Variants in PAK3 observed in about 807,000 individuals in gnomAD.
PAK3 encodes the protein serine/threonine-protein kinase PAK 3.
A neutral mutation model predicts 41.0 loss-of-function variants in PAK3; 4 were observed. The ratio of observed to expected loss-of-function variants is 0.10; its 90% CI spans 0.05 to 0.22. The LOEUF (loss-of-function observed/expected upper bound fraction) is 0.22, where lower values mean the gene tolerates loss of function less well. PAK3 is among the 10% of genes least tolerant of loss of function. The pLI, the probability that PAK3 is intolerant of heterozygous loss-of-function variation, is 1.00. For missense variants in PAK3, 205 were observed against 409.9 expected, an observed-to-expected ratio of 0.50 and a Z score of 4.32; for synonymous variants, 146 against 139.6, an observed-to-expected ratio of 1.05 and a Z score of -0.32.
At chrX:111,075,728 C>G (rs1008877362) in intron 1 of PAK3, among the ~76,000 whole-genome samples, 4 of 112,319 alleles carry the variant, frequency 3.6e-5, no homozygotes, top group African/African-American at 1.3e-4. Flanking sequence ...CCTCCATACA[C>G]AAGAATAGTT....
intron 1 of PAK3, among the ~76,000 whole-genome samples, chrX:110,992,542 C>T (rs2091668039): frequency 9.0e-6 from 1 of 110,720 alleles, no homozygotes; most frequent in Admixed American, 9.6e-5. Context: ...CTCCTTACCA[C>T]TCTGTAGACT....
chrX:111,189,353 T>A (rs1294692521), intron 11 of PAK3, among the ~76,000 whole-genome samples: 1 of 112,011 alleles, frequency 8.9e-6, no homozygotes, highest in Non-Finnish European at 1.9e-5. Flanking sequence ...TTTCCATGTC[T>A]TTGCTATCAT....
At chrX:111,065,998 C>A (rs186627037) in intron 1 of PAK3, among the ~76,000 whole-genome samples, 42 of 111,969 alleles carry the variant, frequency 3.8e-4, no homozygotes, top group Non-Finnish European at 5.5e-4. Context: ...TTTTGAAGAA[C>A]CAACTTTTGG....
chrX:110,989,469 G>A (rs1456464292), intron 1 of PAK3, among the ~76,000 whole-genome samples: 1 of 111,634 alleles, frequency 9.0e-6, no homozygotes, highest in Admixed American at 9.6e-5. Context: ...AGAGAGCTTG[G>A]ACATCTGAAT....
At chrX:111,034,343 T>C (rs919919386) in intron 1 of PAK3, among the ~76,000 whole-genome samples, 2 of 111,290 alleles carry the variant, frequency 1.8e-5, no homozygotes, top group African/African-American at 6.5e-5. Flanking sequence ...AAGATGATCC[T>C]GAGAGCAAAT....
rs1410961821 is a variant in PAK3 at position 111,096,296 on chromosome X, G to C, written c.-472G>C. ...GTGCGGGGGCGGGAGAAGAGCCAGG[G>C]GGAGCGGGCTGGGCCCGGGGCTGCG... On this transcript the variant is annotated 5_prime_UTR_variant, in exon 1 of 18. Coordinates refer to ENST00000372007, the MANE Select transcript of PAK3 (RefSeq NM_002578.5). 8.9e-6 allele frequency: 1 copy of C among 111,975 alleles called. No individual in the cohort carries two copies. Among genetic ancestry groups the C allele is most frequent in the African/African-American group, 3.3e-5 (1 of 30,760 alleles). The allele number at this position is 111,975 out of a possible 1,213,427, so 9.2% of individuals were successfully genotyped here.
At chrX:111,044,025 T>C (rs933536588) in intron 1 of PAK3, among the ~76,000 whole-genome samples, 1 of 112,409 alleles carries the variant, frequency 8.9e-6, no homozygotes, top group South Asian at 3.7e-4. Context: ...TAGTTCTTTA[T>C]TGATTTTAAG....
intron 16 of PAK3, among the ~76,000 whole-genome samples, chrX:111,211,168 G>T (rs1469124945): frequency 9.0e-6 from 1 of 110,825 alleles, no homozygotes; most frequent in African/African-American, 3.3e-5. Context: ...GTGTGGCGGG[G>T]CGGGAGAGGA....
chrX:111,142,425 A>G (rs1409399849), intron 6 of PAK3, among the ~76,000 whole-genome samples: 7 of 112,501 alleles, frequency 6.2e-5, no homozygotes, highest in Admixed American at 2.8e-4. Context: ...TATAGTCTCA[A>G]CTTGGTTGAA....
intron 1 of PAK3, among the ~76,000 whole-genome samples, chrX:111,057,858 G>A (rs1371249787): frequency 8.9e-6 from 1 of 111,743 alleles, no homozygotes; most frequent in Admixed American, 9.5e-5. Flanking sequence ...CTGGTCACCA[G>A]CAACCACTAA....
At chrX:111,022,528 T>C (rs970839746) in intron 1 of PAK3, among the ~76,000 whole-genome samples, 24 of 110,948 alleles carry the variant, frequency 2.2e-4, no homozygotes, top group Non-Finnish European at 4.5e-4. Flanking sequence ...GCTGAAACGA[T>C]CTCTAAATCT....
At chrX:111,127,799 C>T (rs1195554645) in intron 5 of PAK3, among the ~76,000 whole-genome samples, 1 of 111,389 alleles carries the variant, frequency 9.0e-6, no homozygotes, top group African/African-American at 3.3e-5. Flanking sequence ...ATTTCGTGTT[C>T]CTATCTTTAT....
intron 1 of PAK3, among the ~76,000 whole-genome samples, chrX:111,076,491 C>T (rs777021458): frequency 3.6e-5 from 4 of 111,950 alleles, no homozygotes; most frequent in Admixed American, 2.8e-4. Context: ...GTCTGCTTCC[C>T]CTTTGCCTTC....
At chrX:111,181,070 G>A (rs1411325292) in intron 11 of PAK3, among the ~76,000 whole-genome samples, 1 of 111,332 alleles carries the variant, frequency 9.0e-6, no homozygotes, top group Admixed American at 9.6e-5. Context: ...TCACTTATTT[G>A]GGATTATAGT....
chrX:111,034,533 A>C (rs756859896), intron 1 of PAK3, among the ~76,000 whole-genome samples: 1 of 111,664 alleles, frequency 9.0e-6, no homozygotes, highest in East Asian at 2.8e-4. Context: ...GTCCTTCAGT[A>C]ATTCCCCAGG....
chrX:111,139,197 G>A (rs988693840), intron 5 of PAK3, among the ~76,000 whole-genome samples: 6 of 111,215 alleles, frequency 5.4e-5, no homozygotes, highest in African/African-American at 1.6e-4. Context: ...TGATGAATTA[G>A]CATAGAAATA....
At chrX:111,199,269 AAG>A (rs2094651274) in intron 16 of PAK3, among the ~76,000 whole-genome samples, 2 of 111,721 alleles carry the variant, frequency 1.8e-5, no homozygotes, top group African/African-American at 6.5e-5. Flanking sequence ...ATCATCTGGG[AAG>A]AGAGATAGTT....
At chrX:111,186,351 T>A (rs1291318760) in intron 11 of PAK3, among the ~76,000 whole-genome samples, 1 of 111,181 alleles carries the variant, frequency 9.0e-6, no homozygotes, top group Non-Finnish European at 1.9e-5. Flanking sequence ...GAAGTCAAAT[T>A]GTCCCTGTTT....
intron 4 of PAK3, among the ~76,000 whole-genome samples, chrX:111,107,444 T>C (rs1032703764): frequency 1.8e-5 from 2 of 112,411 alleles, no homozygotes; most frequent in Admixed American, 9.4e-5. Context: ...GGAAGTTTCT[T>C]GCACTTCAGA....
Sources: gnomAD v4.1 joint callset for allele counts (sites outside exome capture counted in the v4.1 genomes callset) on GRCh38, gnomAD v4.1.1 for gene constraint, MANE v1.5 for transcripts, NCBI Gene and HGNC (gene_info 2026-07-23, HGNC 2026-07-21) for gene names.